ZRANB3: variants seen among roughly 807,000 people sequenced by gnomAD.
ZRANB3 encodes the protein zinc finger RANBP2-type containing 3, also known as DNA annealing helicase and endonuclease ZRANB3.
ZRANB3 carries 125 observed loss-of-function variants against 133.8 expected under a neutral mutation model. That is an observed-to-expected ratio of 0.93 (90% CI 0.81 to 1.08). The LOEUF (loss-of-function observed/expected upper bound fraction) is 1.08. ZRANB3 is among the 50% of genes least tolerant of loss of function. The pLI is 0.00. For missense variants in ZRANB3, 1,229 were observed against 1,275.5 expected (o/e 0.96, Z 0.56); for synonymous variants, 387 against 432.7 (o/e 0.89, Z 1.31).
intron 6 of ZRANB3, among the ~76,000 whole-genome samples, chr2:135,318,212 T>TTTTGTGTGTG: frequency 1.5e-5 from 2 of 136,970 alleles, no homozygotes; most frequent in East Asian, 4.3e-4. Context: ...ACACACTATT[T>TTTTGTGTGTG]TGTGTGTGTG....
At position 135,271,678 on chromosome 2, in the gene ZRANB3, T is replaced by C. The variant is rs1415371401; in HGVS notation, c.1206+90A>G. The stretch of plus-strand genomic sequence containing the variant: ...TATACAAGGCATCCAGATACAAAGT[T>C]ACAAGTTTATAAACCAAAGTTATAG... On this transcript the variant is annotated intron_variant, in intron 10 of 20. Transcript: ENST00000264159. 5 of 1,423,654 alleles carry C rather than the reference T, an allele frequency of 3.5e-6. No individual in the cohort carries two copies. The East Asian group carries it at 7.5e-5, about 21-fold the overall frequency. 88.2% of individuals were successfully genotyped at this position (1,423,654 alleles called of 1,614,324 possible).
intron 6 of ZRANB3, among the ~76,000 whole-genome samples, chr2:135,339,120 A>G (rs76583712): frequency 5.9e-5 from 9 of 152,212 alleles, no homozygotes; most frequent in Non-Finnish European, 1.2e-4. Flanking sequence ...ACAAAAAAAA[A>G]TTTTTTAATT....
chr2:135,352,286 G>C (rs1287301958), intron 4 of ZRANB3, among the ~76,000 whole-genome samples: 1 of 151,224 alleles, frequency 6.6e-6, no homozygotes, highest in Non-Finnish European at 1.5e-5. Flanking sequence ...GAGCCGACAT[G>C]GTGCCACTGC....
In ZRANB3 at chr2:135,202,086, T is replaced by A. The variant is rs530959075; in HGVS notation, c.3141+746A>T. ...AAATTTAGATAAATATTAATCAGTA[T>A]GGGAATGGTTAAGTAAACTACAGTA... On this transcript the variant is annotated intron_variant, in intron 20 of 20. Coordinates refer to ENST00000264159, the MANE Select transcript of ZRANB3 (RefSeq NM_032143.4). Among the ~76,000 whole-genome samples, 27 of 152,318 alleles carry A rather than the reference T, an allele frequency of 1.8e-4. No homozygotes were observed. In the East Asian group the frequency reaches 5.0e-3, roughly 28 times the overall value.
chr2:135,527,205 A>G (rs1694200743), intron 1 of ZRANB3, among the ~76,000 whole-genome samples: 1 of 152,128 alleles, frequency 6.6e-6, no homozygotes, highest in South Asian at 2.1e-4. Context: ...TTTGTCGACA[A>G]TCATCTGGCA....
intron 11 of ZRANB3, among the ~76,000 whole-genome samples, chr2:135,267,955 T>G (rs2105115403): frequency 6.6e-6 from 1 of 152,252 alleles, no homozygotes; most frequent in Non-Finnish European, 1.5e-5. Flanking sequence ...AGAGCTTTCT[T>G]GCCCTCTTTC....
intron 1 of ZRANB3, among the ~76,000 whole-genome samples, chr2:135,519,424 T>C (rs1445921393): frequency 6.6e-6 from 1 of 152,078 alleles, no homozygotes; most frequent in Admixed American, 6.6e-5. Flanking sequence ...AGCAGAAAGA[T>C]CACTTGAGCC....
At chr2:135,284,992 TG>T (rs1681283957) in intron 8 of ZRANB3, among the ~76,000 whole-genome samples, 1 of 151,830 alleles carries the variant, frequency 6.6e-6, no homozygotes, top group Non-Finnish European at 1.5e-5. Context: ...ATTACAGGCA[TG>T]CAACACCACG....
At chr2:135,411,774 G>A (rs1298074034) in intron 2 of ZRANB3, among the ~76,000 whole-genome samples, 1 of 152,138 alleles carries the variant, frequency 6.6e-6, no homozygotes, top group Non-Finnish European at 1.5e-5. Flanking sequence ...AAAGGGGGTA[G>A]AGGCAAAGGC....
Position 135,245,926 on chromosome 2 carries a change from C to CAAAAAAAAAAAAAAAAAAAAAAAAAAAAA in ZRANB3, c.1540-15000_1540-14999insTTTTTTTTTTTTTTTTTTTTTTTTTTTTT, listed in dbSNP as rs1177438717. Reference sequence around the variant, plus strand: ...GGGCAACGAGATTGAAACTCCGTCTCAAAAAAAAAAAAAAAAAAAAAAGAG... The same window carrying CAAAAAAAAAAAAAAAAAAAAAAAAAAAAA: ...GGGCAACGAGATTGAAACTCCGTCTCAAAAAAAAAAAAAAAAAAAAAAAAAAAAAAAAAAAAAAAAAAAAAAAAAAAGAG... On this transcript the variant is annotated intron_variant, in intron 12 of 20. Transcript: ENST00000264159. Among the ~76,000 whole-genome samples, 30 of 19,546 alleles carry CAAAAAAAAAAAAAAAAAAAAAAAAAAAAA rather than the reference C, an allele frequency of 1.5e-3. 5 individuals are homozygous for CAAAAAAAAAAAAAAAAAAAAAAAAAAAAA. The highest frequency in any genetic ancestry group is 2.9e-3 in the Admixed American group (3 of 1,036). The allele number at this position is 19,546 out of a possible 152,430, so 12.8% of individuals were successfully genotyped here.
At chr2:135,420,103 A>ATGTG (rs1313058420) in intron 2 of ZRANB3, among the ~76,000 whole-genome samples, 17 of 123,796 alleles carry the variant, frequency 1.4e-4, no homozygotes, top group African/African-American at 6.4e-4. Context: ...ATATATATAT[A>ATGTG]TATATATATA....
intron 14 of ZRANB3, among the ~76,000 whole-genome samples, chr2:135,225,184 T>C (rs1459626203): frequency 6.6e-6 from 1 of 152,182 alleles, no homozygotes; most frequent in East Asian, 1.9e-4. Flanking sequence ...AAATAAATAG[T>C]GCATTTTACA....
Position 135,217,576 on chromosome 2 carries a change from A to AGACT in ZRANB3, c.2380_2383dup (p.Leu795GlnfsTer19). ...GATTATCCTTTGCTTCATGGCAGTT[A>AGACT]GACTACTCCATTCTCGAACAAATCT... On this transcript the variant is annotated frameshift_variant, in exon 17 of 21. Transcript: ENST00000264159. LOFTEE classifies it high-confidence loss of function. 6.2e-7 allele frequency: 1 copy of AGACT among 1,613,384 alleles called. No homozygotes were observed.
intron 2 of ZRANB3, among the ~76,000 whole-genome samples, chr2:135,397,040 T>A (rs1315223907): frequency 6.6e-6 from 1 of 152,050 alleles, no homozygotes; most frequent in Non-Finnish European, 1.5e-5. Context: ...GGCAGGAGGA[T>A]CCCTTGAGCC....
In ZRANB3 at chr2:135,507,925, G is replaced by A. The variant is rs569444667; in HGVS notation, c.-7-3429C>T. On this transcript the variant is annotated intron_variant, in intron 1 of 20. Transcript: ENST00000264159. ...ACTGCACTCCAGCATGGATGACAGA[G>A]CGAGACTCTATCAAGAAAAGAAAGA... Among the ~76,000 whole-genome samples the A allele has an allele frequency of 2.4e-3, 357 of 151,826 alleles. 1 individual carries two copies. The highest frequency in any genetic ancestry group is 7.8e-3 in the African/African-American group (324 of 41,330).
At chr2:135,370,721 A>G (rs1447622901) in intron 3 of ZRANB3, among the ~76,000 whole-genome samples, 1 of 152,214 alleles carries the variant, frequency 6.6e-6, no homozygotes, top group Non-Finnish European at 1.5e-5. Flanking sequence ...TCAGTTGTCC[A>G]ATTCCCAATA....
At chr2:135,424,563 T>C (rs970909176) in intron 2 of ZRANB3, among the ~76,000 whole-genome samples, 3 of 152,066 alleles carry the variant, frequency 2.0e-5, no homozygotes, top group Non-Finnish European at 4.4e-5. Flanking sequence ...TGAAACCCTA[T>C]CTCTACTAAA....
At chr2:135,236,339 A>T (rs1695283224) in intron 12 of ZRANB3, among the ~76,000 whole-genome samples, 1 of 152,052 alleles carries the variant, frequency 6.6e-6, no homozygotes, top group Non-Finnish European at 1.5e-5. Flanking sequence ...GGAAGAATCA[A>T]TGTCATGAAA....
intron 12 of ZRANB3, among the ~76,000 whole-genome samples, chr2:135,260,418 T>A (rs1679899557): frequency 6.6e-6 from 1 of 152,126 alleles, no homozygotes; most frequent in Non-Finnish European, 1.5e-5. Flanking sequence ...TCTTTTCACT[T>A]GAGTTGGACT....
Sources: allele counts gnomAD v4.1 joint callset (sites outside exome capture counted in the v4.1 genomes callset), GRCh38; gene constraint gnomAD v4.1.1; transcripts MANE v1.5; gene names NCBI Gene and HGNC (gene_info 2026-07-23, HGNC 2026-07-21).